The following ARMC12 variants were observed in gnomAD, a reference collection of about 807,000 sequenced individuals.
ARMC12 encodes the protein armadillo repeat-containing protein 12.
In ARMC12, 25 loss-of-function variants were observed where a neutral mutation model predicts 37.4. The ratio of observed to expected loss-of-function variants is 0.67; its 90% CI spans 0.49 to 0.93. ARMC12 has a LOEUF of 0.93. Ranked by LOEUF, ARMC12 falls within the 40% of genes least tolerant of loss-of-function variation. The pLI, the probability that ARMC12 is intolerant of heterozygous loss-of-function variation, is 0.00. For missense variants in ARMC12, 384 were observed against 426.6 expected, an observed-to-expected ratio of 0.90 and a Z score of 0.88; for synonymous variants, 167 against 176.1, an observed-to-expected ratio of 0.95 and a Z score of 0.41.
chr6:35,734,646 C>T (rs1766911457), upstream of ARMC12, among the ~76,000 whole-genome samples: 1 of 151,496 alleles, frequency 6.6e-6, no homozygotes, highest in Admixed American at 6.6e-5. Flanking sequence ...ACCAAAAATA[C>T]AAAAAATTAG....
intron 3 of ARMC12, 134 bp from the exon 4 acceptor site, chr6:35,747,127 G>A (rs1767363157): frequency 3.9e-6 from 3 of 765,776 alleles, no homozygotes; most frequent in Admixed American, 3.4e-5. Context: ...GTCAAATTAT[G>A]TTGAGAGTTA....
upstream of ARMC12, among the ~76,000 whole-genome samples, chr6:35,734,832 C>G (rs928446801): frequency 3.3e-5 from 5 of 151,068 alleles, no homozygotes; most frequent in Non-Finnish European, 7.4e-5. Context: ...AGAAAGAAAA[C>G]AATTATTCCC....
At position 35,747,565 on chromosome 6, in the gene ARMC12, C is replaced by T. The variant is rs779779787; in HGVS notation, c.619-11C>T. 5 of 1,614,122 alleles carry T rather than the reference C, an allele frequency of 3.1e-6. No homozygotes were observed. Among genetic ancestry groups the T allele is most frequent in the Non-Finnish European group, 4.2e-6 (5 of 1,179,964 alleles). On this transcript the variant is annotated splice_polypyrimidine_tract_variant and intron_variant, in intron 4 of 5. Coordinates refer to ENST00000373866, the MANE Select transcript of ARMC12 (RefSeq NM_001286574.2). ...CCTGCCTTCTCATGCTTTACTCTTT[C>T]CTTTATTCAGGTGCAAGCCGTACGA...
Position 35,748,520 on chromosome 6 carries a change from T to TCTCTATTCCC in ARMC12, c.691-17_691-8dup. 6.9e-7 allele frequency: 1 copy of TCTCTATTCCC among 1,455,532 alleles called. No individual in the cohort carries two copies. Among genetic ancestry groups the TCTCTATTCCC allele is most frequent in the Non-Finnish European group, 9.1e-7 (1 of 1,099,994 alleles). The allele number at this position is 1,455,532 out of a possible 1,614,324, so 90.2% of individuals were successfully genotyped here. The stretch of plus-strand genomic sequence containing the variant: ...TGCCTAGGAGTTTATTCCCATTCTT[T>TCTCTATTCCC]CTCTATTCCCATCACAGGTTCACTC... On this transcript the variant is annotated splice_polypyrimidine_tract_variant and intron_variant, in intron 5 of 5. Coordinates refer to ENST00000373866, the MANE Select transcript of ARMC12 (RefSeq NM_001286574.2).
In ARMC12 at chr6:35,738,394, G is replaced by C; in HGVS notation, c.320G>C (p.Cys107Ser). 1 of 1,612,896 alleles carries C rather than the reference G, an allele frequency of 6.2e-7. No individual in the cohort carries two copies. Among genetic ancestry groups the C allele is most frequent in the East Asian group, 2.2e-5 (1 of 44,820 alleles). The change falls in exon 3 of 6, where the codon TGT becomes TCT. Residue 107 changes from cysteine (C) to serine (S), a missense_variant. Cys to Ser is a moderately radical substitution (Grantham distance 112, BLOSUM62 -1). Transcript: ENST00000373866. ...VYLLEAEASACTTDDIVLLGY... is the reference protein window; with the variant it reads ...VYLLEAEASASTTDDIVLLGY... ...TCCCCAATACTCCAGGCCTCTGCTT[G>C]TACTACGGATGACATCGTGTTGCTG...
chr6:35,738,653 C>T (rs557964457), intron 3 of ARMC12, 135 bp downstream of exon 3: 51 of 1,253,164 alleles, frequency 4.1e-5, no homozygotes, highest in East Asian at 2.7e-4. Context: ...AGTGGGAAAA[C>T]GGTGGTCAGA....
chr6:35,748,694 C>G lies in ARMC12; in HGVS notation c.847C>G (p.Leu283Val). 6.2e-7 allele frequency: 1 copy of G among 1,614,196 alleles called. No individual in the cohort carries two copies. Residue 283 changes from leucine to valine, a missense_variant, in exon 6 of 6, where the codon CTC becomes GTC. Transcript: ENST00000373866. Reference protein sequence around the residue: ...HYNEQSLHESLFGEESRLADR... With the variant: ...HYNEQSLHESVFGEESRLADR... ...CAACGAACAGTCCCTGCATGAATCCCTCTTTGGGGAAGAGTCCCGACTGGC... is the reference window on the plus strand; with the variant it reads ...CAACGAACAGTCCCTGCATGAATCCGTCTTTGGGGAAGAGTCCCGACTGGC...
rs143052028 is a variant in ARMC12, at chr6:35,744,838, G to C, written c.445-2423G>C. Among the ~76,000 whole-genome samples, 94 of 152,214 alleles carry C rather than the reference G, an allele frequency of 6.2e-4. 1 individual carries two copies. The East Asian group carries it at 0.018, about 28-fold the overall frequency. On this transcript the variant is annotated intron_variant, in intron 3 of 5. Transcript: ENST00000373866. The stretch of plus-strand genomic sequence containing the variant: ...CATGAACAGATATTTCACTGAAGAG[G>C]ATATATGGATGGCAAATAAGCACAT...
intron 3 of ARMC12, among the ~76,000 whole-genome samples, chr6:35,742,018 C>T (rs375618030): frequency 2.6e-5 from 4 of 151,550 alleles, no homozygotes; most frequent in Admixed American, 1.3e-4. Context: ...CCAATATGCC[C>T]GGCTAATTTT....
intron 3 of ARMC12, among the ~76,000 whole-genome samples, chr6:35,741,977 C>T (rs1767182411): frequency 6.6e-6 from 1 of 152,046 alleles, no homozygotes; most frequent in Non-Finnish European, 1.5e-5. Flanking sequence ...CCCACCTCAA[C>T]CTCCCTAGTA....
At chr6:35,746,675 C>T (rs1475739631) in intron 3 of ARMC12, among the ~76,000 whole-genome samples, 2 of 151,986 alleles carry the variant, frequency 1.3e-5, no homozygotes, top group Non-Finnish European at 2.9e-5. Flanking sequence ...AAGGTAGTGC[C>T]TACAGGATTT....
intron 1 of ARMC12, 81 bp from the exon 2 acceptor site, chr6:35,737,946 G>A: frequency 6.3e-7 from 1 of 1,592,518 alleles, no homozygotes; most frequent in Non-Finnish European, 8.5e-7. Context: ...TTGTCCCCAA[G>A]TCCCTGTCCC....
chr6:35,745,482 G>A (rs1372232967), intron 3 of ARMC12, among the ~76,000 whole-genome samples: 1 of 152,186 alleles, frequency 6.6e-6, no homozygotes, highest in Non-Finnish European at 1.5e-5. Flanking sequence ...GGGGGAGCAG[G>A]TGGGAGTGAG....
At chr6:35,739,703 A>G (rs1767107562) in intron 3 of ARMC12, among the ~76,000 whole-genome samples, 1 of 152,208 alleles carries the variant, frequency 6.6e-6, no homozygotes, top group Non-Finnish European at 1.5e-5. Flanking sequence ...CTGGCTTTTA[A>G]CATTTAACTT....
At chr6:35,732,007 A>C in the ARMC12 span, among the ~76,000 whole-genome samples, 1 of 151,734 alleles carries the variant, frequency 6.6e-6, no homozygotes, top group Non-Finnish European at 1.5e-5. Flanking sequence ...CGGAGCGGGG[A>C]CGGGAGCGAA....
At chr6:35,738,354 T>C (rs370493383) in intron 2 of ARMC12, 30 bp from the exon 3 acceptor site, 284 of 1,607,492 alleles carry the variant, frequency 1.8e-4, no homozygotes, top group Non-Finnish European at 2.4e-4. Context: ...CCGCTTCTCC[T>C]GCCTCTTCCA....
At chr6:35,738,254 A>G (rs1767043055) in intron 2 of ARMC12, 82 bp downstream of exon 2, 1 of 1,203,040 alleles carries the variant, frequency 8.3e-7, no homozygotes, top group Admixed American at 2.1e-5. Context: ...TGGCCAGACT[A>G]TATCCTGGGA....
At chr6:35,742,721 G>A (rs1339506348) in intron 3 of ARMC12, among the ~76,000 whole-genome samples, 1 of 152,030 alleles carries the variant, frequency 6.6e-6, no homozygotes, top group East Asian at 1.9e-4. Context: ...CTGGATCTCT[G>A]CAGCCTGTGG....
chr6:35,736,956 C>T, upstream of ARMC12: 1 of 1,196,706 alleles, frequency 8.4e-7, no homozygotes, highest in Non-Finnish European at 1.2e-6. Flanking sequence ...CTGACCACTG[C>T]CCTCCATCCC....
Sources: allele counts gnomAD v4.1 joint callset (sites outside exome capture counted in the v4.1 genomes callset), GRCh38; gene constraint gnomAD v4.1.1; transcripts MANE v1.5; gene names NCBI Gene and HGNC (gene_info 2026-07-23, HGNC 2026-07-21).